The following CMTM8 variants were observed in gnomAD, a reference collection of about 807,000 sequenced individuals.
The protein encoded by CMTM8 is CKLF like MARVEL transmembrane domain containing 8, also known as CKLF-like MARVEL transmembrane domain-containing protein 8.
Under a neutral mutation model 18.6 loss-of-function variants are expected in CMTM8, and 12 were observed. That is an observed-to-expected ratio of 0.65 (90% CI 0.41 to 1.05). The LOEUF is 1.05. Ranked by LOEUF, CMTM8 falls within the 50% of genes least tolerant of loss-of-function variation. CMTM8 has a pLI of 0.00. For synonymous variants in CMTM8, 87 were observed against 90.6 expected (o/e 0.96, Z 0.23); for missense variants, 217 against 227.2 (o/e 0.95, Z 0.29).
At chr3:32,321,876 A>G (rs1284637083) in intron 1 of CMTM8, among the ~76,000 whole-genome samples, 1 of 152,236 alleles carries the variant, frequency 6.6e-6, no homozygotes, top group East Asian at 1.9e-4. Flanking sequence ...TGGGAGTTAC[A>G]GGCGTGAGCC....
chr3:32,334,935 G>C (rs1279583246), intron 1 of CMTM8, among the ~76,000 whole-genome samples: 3 of 152,088 alleles, frequency 2.0e-5, no homozygotes, highest in African/African-American at 7.2e-5. Context: ...GTGAGGCCAA[G>C]GGTCTCCTGC....
chr3:32,317,945 C>T (rs1038506988), intron 1 of CMTM8, among the ~76,000 whole-genome samples: 1 of 150,472 alleles, frequency 6.6e-6, no homozygotes, highest in Admixed American at 6.7e-5. Context: ...ATTCCAGCTA[C>T]TTGGGAGGCT....
chr3:32,267,072 A>G (rs915928652), intron 1 of CMTM8, among the ~76,000 whole-genome samples: 12 of 152,280 alleles, frequency 7.9e-5, no homozygotes, highest in African/African-American at 2.9e-4. Flanking sequence ...GCTACCAATG[A>G]CTTTCTTCAC....
chr3:32,259,719 G>A (rs796419425), intron 1 of CMTM8: 51 of 1,074,302 alleles, frequency 4.7e-5, no homozygotes, highest in Non-Finnish European at 3.6e-5. Flanking sequence ...GAGCTGGCTC[G>A]GAAGAACTGA....
intron 1 of CMTM8, among the ~76,000 whole-genome samples, chr3:32,279,165 T>C (rs1007407568): frequency 3.6e-4 from 15 of 41,928 alleles, no homozygotes; most frequent in African/African-American, 1.2e-3. Context: ...TTATAATTAG[T>C]GATTTTTTTT....
chr3:32,284,185 A>T (rs9310988), intron 1 of CMTM8, among the ~76,000 whole-genome samples: 3,643 of 152,352 alleles, frequency 0.024, 152 homozygotes, highest in African/African-American at 0.081. Context: ...CCCGGGAGGC[A>T]GAGGTTTCAG....
intron 1 of CMTM8, among the ~76,000 whole-genome samples, chr3:32,289,131 T>A (rs1702737128): frequency 6.6e-6 from 1 of 152,188 alleles, no homozygotes; most frequent in Non-Finnish European, 1.5e-5. Context: ...GAAACTTCTG[T>A]CTGAAGAGGT....
chr3:32,238,865 G>C lies in CMTM8; in HGVS notation c.-108G>C. 9.3e-7 allele frequency: 1 copy of C among 1,074,824 alleles called. No individual in the cohort carries two copies. Among genetic ancestry groups the C allele is most frequent in the Non-Finnish European group, 1.2e-6 (1 of 827,078 alleles). 66.6% of individuals were successfully genotyped at this position (1,074,824 alleles called of 1,614,324 possible). On this transcript the variant is annotated 5_prime_UTR_variant, in exon 1 of 4. Coordinates refer to ENST00000307526, the MANE Select transcript of CMTM8 (RefSeq NM_178868.5). ...CCCTCGCACCTCCTGCCCCGCGCGGGCCGCGCTCCCCTCCCCCGCGCCTGT... is the reference window on the plus strand; with the variant it reads ...CCCTCGCACCTCCTGCCCCGCGCGGCCCGCGCTCCCCTCCCCCGCGCCTGT...
At chr3:32,311,172 C>T (rs762723255) in intron 1 of CMTM8, among the ~76,000 whole-genome samples, 4 of 152,172 alleles carry the variant, frequency 2.6e-5, no homozygotes, top group African/African-American at 4.8e-5. Flanking sequence ...TTGTGTGACC[C>T]GCAAGCTAAG....
chr3:32,326,892 T>C (rs1373666974), intron 1 of CMTM8, among the ~76,000 whole-genome samples: 1 of 152,184 alleles, frequency 6.6e-6, no homozygotes, highest in African/African-American at 2.4e-5. Context: ...AACCCAAGAA[T>C]GAATCTCTCA....
intron 1 of CMTM8, chr3:32,259,058 G>C (rs577972789): frequency 1.1e-5 from 4 of 363,672 alleles, no homozygotes; most frequent in African/African-American, 8.6e-5. Flanking sequence ...TGCAGGCGCC[G>C]GAGGGCAGGG....
intron 1 of CMTM8, chr3:32,259,428 T>A: frequency 1.2e-6 from 1 of 841,382 alleles, no homozygotes; most frequent in Non-Finnish European, 2.1e-6. Context: ...GCTGATGACT[T>A]TAGAGTCAAG....
intron 1 of CMTM8, among the ~76,000 whole-genome samples, chr3:32,284,878 C>T (rs551339787): frequency 6.6e-5 from 10 of 152,274 alleles, no homozygotes; most frequent in South Asian, 4.1e-4. Context: ...GTGGTGTCCT[C>T]GGTCTTGTTC....
intron 1 of CMTM8, among the ~76,000 whole-genome samples, chr3:32,274,586 C>T (rs1428630007): frequency 6.6e-6 from 1 of 152,146 alleles, no homozygotes; most frequent in Non-Finnish European, 1.5e-5. Flanking sequence ...CTCCTAAATA[C>T]CCTAGCTATT....
chr3:32,252,374 T>C (rs963955406), intron 1 of CMTM8, among the ~76,000 whole-genome samples: 6 of 152,242 alleles, frequency 3.9e-5, no homozygotes, highest in African/African-American at 1.4e-4. Context: ...ATACTTATAC[T>C]AACATTCAAG....
At chr3:32,299,790 A>G (rs542860766) in intron 1 of CMTM8, among the ~76,000 whole-genome samples, 1 of 152,332 alleles carries the variant, frequency 6.6e-6, no homozygotes, top group East Asian at 1.9e-4. Context: ...AGCAAAGATC[A>G]TCTAATAATC....
chr3:32,362,249 G>A (rs879917197), intron 2 of CMTM8, among the ~76,000 whole-genome samples: 5 of 151,780 alleles, frequency 3.3e-5, no homozygotes, highest in Non-Finnish European at 5.9e-5. Context: ...CACCGTGTTA[G>A]CCAGGCTGGT....
intron 1 of CMTM8, among the ~76,000 whole-genome samples, chr3:32,310,467 G>A (rs1450387202): frequency 1.3e-5 from 2 of 152,150 alleles, no homozygotes; most frequent in Admixed American, 1.3e-4. Flanking sequence ...GCCAATGAGG[G>A]GTGCCAAAGG....
At chr3:32,265,968 T>C (rs1322890834) in intron 1 of CMTM8, among the ~76,000 whole-genome samples, 1 of 152,090 alleles carries the variant, frequency 6.6e-6, no homozygotes, top group Non-Finnish European at 1.5e-5. Context: ...ATTAATAGCT[T>C]ACCAACCAAA....
Sources: gnomAD v4.1 joint callset for allele counts (sites outside exome capture counted in the v4.1 genomes callset) on GRCh38, gnomAD v4.1.1 for gene constraint, MANE v1.5 for transcripts, NCBI Gene and HGNC (gene_info 2026-07-23, HGNC 2026-07-21) for gene names.